The following STK3 variants were observed in gnomAD, a reference collection of about 807,000 sequenced individuals.
STK3 encodes the protein serine/threonine-protein kinase 3.
STK3 carries 41 observed loss-of-function variants against 58.0 expected under a neutral mutation model. The ratio of observed to expected loss-of-function variants is 0.71; its 90% CI spans 0.55 to 0.92. The LOEUF (loss-of-function observed/expected upper bound fraction) is 0.92, where lower values mean the gene tolerates loss of function less well. STK3 is among the 40% of genes least tolerant of loss of function. The pLI, the probability that STK3 is intolerant of heterozygous loss-of-function variation, is 0.00. For synonymous variants in STK3, 170 were observed against 191.0 expected (o/e 0.89, Z 0.91); for missense variants, 479 against 602.7 (o/e 0.79, Z 2.15).
intron 1 of STK3, among the ~76,000 whole-genome samples, chr8:98,810,680 T>C (rs1456146329): frequency 1.3e-5 from 2 of 152,220 alleles, no homozygotes; most frequent in African/African-American, 2.4e-5. Context: ...CAATCAGATC[T>C]AGCTCTCTAG....
At chr8:98,680,981 CTTTT>C (rs371666746) in intron 6 of STK3, among the ~76,000 whole-genome samples, 2 of 124,760 alleles carry the variant, frequency 1.6e-5, no homozygotes, top group Non-Finnish European at 1.7e-5. Flanking sequence ...CCCCACCTTT[CTTTT>C]TTTTTTTTTT....
At chr8:98,886,833 C>T (rs764747069) in intron 1 of STK3, among the ~76,000 whole-genome samples, 48 of 152,122 alleles carry the variant, frequency 3.2e-4, no homozygotes, top group Non-Finnish European at 6.2e-4. Context: ...CACGGTGGCT[C>T]ATGTCTGTAA....
the STK3 span, among the ~76,000 whole-genome samples, chr8:98,357,946 C>A: frequency 1.3e-5 from 2 of 152,022 alleles, no homozygotes; most frequent in African/African-American, 4.8e-5. Context: ...CTACTGTGGC[C>A]TTTCCCCAGG....
intron 3 of STK3, among the ~76,000 whole-genome samples, chr8:98,424,227 C>A (rs974534971): frequency 1.3e-5 from 2 of 152,246 alleles, no homozygotes; most frequent in African/African-American, 4.8e-5. Context: ...AACTGATGTG[C>A]CCCACATTGG....
chr8:98,498,321 G>A (rs1423238739), intron 10 of STK3, among the ~76,000 whole-genome samples: 1 of 152,022 alleles, frequency 6.6e-6, no homozygotes, highest in Non-Finnish European at 1.5e-5. Flanking sequence ...AAGAGGAGAG[G>A]AGAACTCTCA....
In STK3 at chr8:98,866,163, G is replaced by A. The variant is rs186644988; in HGVS notation, c.110+17484C>T. Reference sequence around the variant, plus strand: ...TTGTTAAGTTCTCAAAGCACCTCCTGTTGAGAGAGTGTGTCTAGTTTTTGA... The same window carrying A: ...TTGTTAAGTTCTCAAAGCACCTCCTATTGAGAGAGTGTGTCTAGTTTTTGA... On this transcript the variant is annotated intron_variant, in intron 3 of 12. Transcript: ENST00000523601. Among the ~76,000 whole-genome samples, 40 of 152,368 alleles carry A rather than the reference G, an allele frequency of 2.6e-4. No homozygotes were observed. The East Asian group carries it at 4.6e-3, about 18-fold the overall frequency.
At chr8:98,758,836 C>T (rs537260716) in intron 3 of STK3, among the ~76,000 whole-genome samples, 1 of 152,362 alleles carries the variant, frequency 6.6e-6, no homozygotes, top group South Asian at 2.1e-4. Flanking sequence ...TCATCTTGCA[C>T]TTTTATGTTA....
chr8:98,909,844 T>C (rs962874008), intron 1 of STK3, among the ~76,000 whole-genome samples: 11 of 152,254 alleles, frequency 7.2e-5, no homozygotes, highest in African/African-American at 2.7e-4. Context: ...TATGTGGACA[T>C]ATGTTTTCAT....
intron 3 of STK3, among the ~76,000 whole-genome samples, chr8:98,419,103 G>A (rs971451357): frequency 3.9e-5 from 6 of 152,202 alleles, no homozygotes; most frequent in Non-Finnish European, 5.9e-5. Flanking sequence ...GCTCACGCCT[G>A]AAATCCCAGC....
Position 98,548,051 on chromosome 8 carries a change from A to G in STK3, c.1059T>C (p.His353=), listed in dbSNP as rs551678442. The G allele has an allele frequency of 1.2e-6, 2 of 1,610,516 alleles. No homozygotes were observed. The highest frequency in any genetic ancestry group is 1.7e-6 in the Non-Finnish European group (2 of 1,178,408). The change falls in exon 9 of 11, where the codon CAT becomes CAC. Residue 353 remains histidine, a synonymous_variant. Coordinates refer to ENST00000419617, the MANE Select transcript of STK3 (RefSeq NM_006281.4). ...MSEGAQTMIE[H]NSTMLESDLG... ...AGTCGGATTCCAACATCGTGCTATT[A>G]TGTTCAATCATGGTCTGGGCCCCTT...
At chr8:98,512,435 T>G (rs1435229407) in intron 10 of STK3, among the ~76,000 whole-genome samples, 23 of 152,132 alleles carry the variant, frequency 1.5e-4, no homozygotes, top group Non-Finnish European at 3.4e-4. Flanking sequence ...ACAAGATAAG[T>G]ATAATTTTTG....
intron 10 of STK3, among the ~76,000 whole-genome samples, chr8:98,496,969 A>G (rs1823184243): frequency 6.6e-6 from 1 of 152,130 alleles, no homozygotes; most frequent in Admixed American, 6.6e-5. Context: ...TTTTTTAACC[A>G]AAATAAAAAA....
chr8:98,883,446 A>C (rs1451072267), downstream of STK3: 1 of 530,292 alleles, frequency 1.9e-6, no homozygotes. Context: ...AAACTATCTA[A>C]ATCACTCTCT....
intron 1 of STK3, among the ~76,000 whole-genome samples, chr8:98,444,877 CCT>C (rs780628827): frequency 6.6e-6 from 1 of 152,034 alleles, no homozygotes; most frequent in Admixed American, 6.5e-5. Context: ...AGGAGTTACC[CCT>C]GTGTTTACTC....
intron 3 of STK3, among the ~76,000 whole-genome samples, chr8:98,852,285 C>T (rs1836501443): frequency 1.2e-4 from 19 of 152,102 alleles, no homozygotes; most frequent in Admixed American, 1.2e-3. Context: ...CAGGTGCCCA[C>T]ACCATGCCTG....
At chr8:98,881,325 A>T (rs908924941), downstream of STK3, 5 of 152,230 alleles carry the variant, frequency 3.3e-5, no homozygotes, top group East Asian at 1.9e-4. Flanking sequence ...GGAAAAGGCA[A>T]AACTATGGAG....
chr8:98,726,342 T>C (rs977611639), intron 4 of STK3, among the ~76,000 whole-genome samples: 3 of 152,180 alleles, frequency 2.0e-5, no homozygotes, highest in Non-Finnish European at 2.9e-5. Context: ...GGAAAAATCA[T>C]AAAGTGTTTA....
intron 2 of STK3, among the ~76,000 whole-genome samples, chr8:98,769,468 C>T (rs1342078448): frequency 6.6e-6 from 1 of 152,234 alleles, no homozygotes; most frequent in African/African-American, 2.4e-5. Context: ...ACCTGATCTT[C>T]CTTGCCTTCC....
chr8:98,755,960 T>G (rs892657428), intron 3 of STK3, among the ~76,000 whole-genome samples: 1 of 151,942 alleles, frequency 6.6e-6, no homozygotes, highest in Non-Finnish European at 1.5e-5. Context: ...GCCAACATGG[T>G]GAAACCCTGT....
Sources: allele counts gnomAD v4.1 joint callset (sites outside exome capture counted in the v4.1 genomes callset), GRCh38; gene constraint gnomAD v4.1.1; transcripts MANE v1.5; gene names NCBI Gene and HGNC (gene_info 2026-07-23, HGNC 2026-07-21).